Variants in KIAA1217 observed in about 807,000 individuals in gnomAD.
The protein encoded by KIAA1217 is sickle tail protein homolog.
Under a neutral mutation model 163.9 loss-of-function variants are expected in KIAA1217, and 88 were observed. The ratio of observed to expected loss-of-function variants is 0.54; its 90% CI spans 0.45 to 0.64. KIAA1217 has a LOEUF of 0.64. Ranked by LOEUF, KIAA1217 falls within the 30% of genes least tolerant of loss-of-function variation. The pLI is 0.00. For synonymous variants in KIAA1217, 903 were observed against 923.1 expected (o/e 0.98, Z 0.39); for missense variants, 2,372 against 2,475.0 (o/e 0.96, Z 0.88).
chr10:24,052,389 C>T (rs1002760855), intron 2 of KIAA1217, among the ~76,000 whole-genome samples: 1 of 152,074 alleles, frequency 6.6e-6, no homozygotes, highest in East Asian at 1.9e-4. Context: ...AACTAACAAG[C>T]TCTATTTTTA....
chr10:24,511,782 A>T (rs1327423925), intron 9 of KIAA1217, among the ~76,000 whole-genome samples: 1 of 152,178 alleles, frequency 6.6e-6, no homozygotes, highest in African/African-American at 2.4e-5. Context: ...AAAGTAACCA[A>T]AAGTGATACA....
At chr10:24,175,862 A>G (rs2065862591) in intron 2 of KIAA1217, among the ~76,000 whole-genome samples, 2 of 152,044 alleles carry the variant, frequency 1.3e-5, no homozygotes, top group Admixed American at 1.3e-4. Flanking sequence ...TCATTGTCTC[A>G]CTGGCCTCAG....
intron 2 of KIAA1217, among the ~76,000 whole-genome samples, chr10:24,179,613 G>A (rs954936946): frequency 9.2e-5 from 14 of 151,800 alleles, no homozygotes; most frequent in African/African-American, 3.4e-4. Context: ...TTCTGAGATG[G>A]AGTCTCACTC....
intron 2 of KIAA1217, among the ~76,000 whole-genome samples, chr10:24,034,146 A>G (rs1179755951): frequency 6.6e-6 from 1 of 152,232 alleles, no homozygotes; most frequent in Non-Finnish European, 1.5e-5. Flanking sequence ...AGAACCCTGT[A>G]ATATAAACAG....
chr10:24,210,920 G>A (rs2067994574), intron 1 of KIAA1217, among the ~76,000 whole-genome samples: 1 of 149,200 alleles, frequency 6.7e-6, no homozygotes, highest in South Asian at 2.2e-4. Flanking sequence ...AGCTAAATTT[G>A]AATTTCAGGT....
At chr10:23,935,102 C>T (rs980222378) in intron 1 of KIAA1217, among the ~76,000 whole-genome samples, 2 of 152,038 alleles carry the variant, frequency 1.3e-5, no homozygotes, top group Non-Finnish European at 2.9e-5. Flanking sequence ...TAAGTACAGT[C>T]TATGTTCTAT....
At chr10:23,991,668 C>A (rs529138249) in intron 1 of KIAA1217, among the ~76,000 whole-genome samples, 2 of 152,034 alleles carry the variant, frequency 1.3e-5, no homozygotes, top group Admixed American at 6.6e-5. Context: ...CGTATCTATC[C>A]GCATTTCACG....
At chr10:23,741,870 G>T (rs1335823) in intron 1 of KIAA1217, among the ~76,000 whole-genome samples, 1 of 152,040 alleles carries the variant, frequency 6.6e-6, no homozygotes, top group Non-Finnish European at 1.5e-5. Flanking sequence ...TTGAAATGGT[G>T]TAAGAATGAA....
Position 24,098,627 on chromosome 10 carries a change from G to T in KIAA1217, c.-171+91253G>T, listed in dbSNP as rs531058614. 1.6e-4 allele frequency among the ~76,000 whole-genome samples: 24 copies of T among 152,154 alleles called. No homozygotes were observed. In the South Asian group the frequency reaches 4.8e-3, roughly 30 times the overall value. ...TCTCTGAGCTCTGTGGGAAGTTGGG[G>T]AATGGATTTAAGGTAAATTTCATAG... On this transcript the variant is annotated intron_variant, in intron 2 of 18. Transcript: ENST00000376462.
chr10:24,352,350 T>C (rs1478206645), intron 2 of KIAA1217, among the ~76,000 whole-genome samples: 1 of 152,210 alleles, frequency 6.6e-6, no homozygotes, highest in African/African-American at 2.4e-5. Flanking sequence ...GTGAATATTT[T>C]TGCATGGATG....
chr10:24,181,073 C>A (rs141827798), intron 2 of KIAA1217, among the ~76,000 whole-genome samples: 1 of 152,146 alleles, frequency 6.6e-6, no homozygotes, highest in Non-Finnish European at 1.5e-5. Flanking sequence ...TTTGAGCACA[C>A]GTTAGGAGCT....
intron 2 of KIAA1217, among the ~76,000 whole-genome samples, chr10:24,251,025 G>C (rs1375937173): frequency 6.6e-6 from 1 of 151,796 alleles, no homozygotes; most frequent in Non-Finnish European, 1.5e-5. Flanking sequence ...TCAGGGGTTT[G>C]AGACCAGCCT....
chr10:24,064,284 T>C (rs996740896), intron 2 of KIAA1217, among the ~76,000 whole-genome samples: 2 of 152,196 alleles, frequency 1.3e-5, no homozygotes, highest in African/African-American at 4.8e-5. Context: ...GGGTTTGTCA[T>C]AGATAGCTCT....
Position 24,275,795 on chromosome 10 carries a change from T to C in KIAA1217, c.354+55886T>C, listed in dbSNP as rs569595041. The C allele has an allele frequency of 9.7e-6, 5 of 512,988 alleles. No individual in the cohort carries two copies. In the East Asian group the frequency reaches 2.8e-4, roughly 28 times the overall value. The allele number at this position is 512,988 out of a possible 1,614,324, so 31.8% of individuals were successfully genotyped here. On this transcript the variant is annotated intron_variant, in intron 2 of 20. Transcript: ENST00000376454. ...AACTTAATACTTGGCTTTATTGACTTTTAGCATCAGTGCAGTTTGGTTAAT... is the reference window on the plus strand; with the variant it reads ...AACTTAATACTTGGCTTTATTGACTCTTAGCATCAGTGCAGTTTGGTTAAT...
intron 2 of KIAA1217, among the ~76,000 whole-genome samples, chr10:24,104,847 T>G (rs146534836): frequency 1.3e-5 from 2 of 152,324 alleles, no homozygotes; most frequent in East Asian, 1.9e-4. Flanking sequence ...TTTAAAAATT[T>G]TATCTGTACT....
intron 9 of KIAA1217, among the ~76,000 whole-genome samples, chr10:24,510,483 A>T (rs2068949319): frequency 6.6e-6 from 1 of 152,068 alleles, no homozygotes; most frequent in Admixed American, 6.5e-5. Flanking sequence ...CTTGGTGGCA[A>T]ATCGAATCAT....
At chr10:23,977,766 T>C (rs77025602) in intron 1 of KIAA1217, among the ~76,000 whole-genome samples, 2,178 of 152,270 alleles carry the variant, frequency 0.014, 49 homozygotes, top group African/African-American at 0.05. Context: ...CCCAATGATG[T>C]TTCCCTTTTA....
At chr10:24,465,541 G>A (rs2062849337) in intron 5 of KIAA1217, among the ~76,000 whole-genome samples, 1 of 152,218 alleles carries the variant, frequency 6.6e-6, no homozygotes, top group African/African-American at 2.4e-5. Context: ...GGGGCTTCCA[G>A]CCCAGTGAGT....
At chr10:24,439,457 T>C (rs2060312769) in intron 5 of KIAA1217, among the ~76,000 whole-genome samples, 1 of 152,218 alleles carries the variant, frequency 6.6e-6, no homozygotes, top group Non-Finnish European at 1.5e-5. Context: ...TGAGCGAGGC[T>C]GTCTCTGCTT....
Sources: allele counts gnomAD v4.1 joint callset (sites outside exome capture counted in the v4.1 genomes callset), GRCh38; gene constraint gnomAD v4.1.1; transcripts MANE v1.5; gene names NCBI Gene and HGNC (gene_info 2026-07-23, HGNC 2026-07-21).